SUGCT: variants seen among roughly 807,000 people sequenced by gnomAD.
SUGCT encodes succinyl-CoA:glutarate CoA-transferase.
Under a neutral mutation model 55.0 loss-of-function variants are expected in SUGCT, and 41 were observed. That is an observed-to-expected ratio of 0.74 (90% CI 0.58 to 0.97). SUGCT has a LOEUF of 0.97. Among genes scored for constraint, SUGCT ranks in the 50% least tolerant of loss-of-function variants. The pLI is 0.00. For synonymous variants in SUGCT, 187 were observed against 200.4 expected (o/e 0.93, Z 0.56); for missense variants, 568 against 547.8 (o/e 1.04, Z -0.37).
intron 13 of SUGCT, among the ~76,000 whole-genome samples, chr7:40,820,507 A>G (rs1356990531): frequency 6.6e-6 from 1 of 152,080 alleles, no homozygotes; most frequent in Non-Finnish European, 1.5e-5. Context: ...ATTCCTAGGT[A>G]CTTTATTCTC....
At chr7:40,370,208 C>G (rs1162345854) in intron 9 of SUGCT, among the ~76,000 whole-genome samples, 2 of 152,108 alleles carry the variant, frequency 1.3e-5, no homozygotes, top group African/African-American at 4.8e-5. Context: ...GCGTCCCTTT[C>G]CTCTCAGCTT....
chr7:40,166,306 T>A (rs1038561508), intron 1 of SUGCT, among the ~76,000 whole-genome samples: 1 of 152,186 alleles, frequency 6.6e-6, no homozygotes, highest in African/African-American at 2.4e-5. Context: ...AGCTCTTATA[T>A]AGTAGAGCAG....
At chr7:40,415,669 A>G (rs1228342935) in intron 9 of SUGCT, among the ~76,000 whole-genome samples, 6 of 152,060 alleles carry the variant, frequency 3.9e-5, no homozygotes, top group African/African-American at 1.2e-4. Flanking sequence ...TACTCCACTC[A>G]TATGAAACAT....
chr7:40,812,016 T>C (rs899615127), intron 13 of SUGCT, among the ~76,000 whole-genome samples: 5 of 152,106 alleles, frequency 3.3e-5, no homozygotes, highest in Admixed American at 2.6e-4. Context: ...ATGGAGATCA[T>C]ATGGTTTTTG....
chr7:40,606,904 T>C (rs144586015), intron 12 of SUGCT, among the ~76,000 whole-genome samples: 1 of 152,150 alleles, frequency 6.6e-6, no homozygotes, highest in African/African-American at 2.4e-5. Flanking sequence ...ATGCAGAAAG[T>C]TCTAATTTGT....
intron 12 of SUGCT, among the ~76,000 whole-genome samples, chr7:40,670,232 A>G (rs1801871127): frequency 6.6e-6 from 1 of 150,954 alleles, no homozygotes; most frequent in Admixed American, 6.6e-5. Flanking sequence ...GTAATCTAAG[A>G]TCTTTCTTAC....
intron 13 of SUGCT, among the ~76,000 whole-genome samples, chr7:40,769,821 A>G (rs1054246362): frequency 1.3e-5 from 2 of 152,158 alleles, no homozygotes; most frequent in African/African-American, 2.4e-5. Context: ...TCTAAACTCT[A>G]TCTTAAATTT....
chr7:40,433,690 G>A (rs1342080464), intron 9 of SUGCT, among the ~76,000 whole-genome samples: 1 of 152,146 alleles, frequency 6.6e-6, no homozygotes, highest in African/African-American at 2.4e-5. Context: ...GATGTATAGA[G>A]CTGCTTCTTT....
rs1057202277 is a variant in SUGCT at position 40,589,568 on chromosome 7, C to A, written c.1089+93182C>A. On this transcript the variant is annotated intron_variant, in intron 12 of 13. Transcript: ENST00000335693. The stretch of plus-strand genomic sequence containing the variant: ...CAGAGCCCTCAATATGTAAACACAT[C>A]CCATTAGGCCCCACCTCCCAATGTT... Among the ~76,000 whole-genome samples, 13 of 152,162 alleles carry A rather than the reference C, an allele frequency of 8.5e-5. 1 individual carries two copies. Among genetic ancestry groups the A allele is most frequent in the African/African-American group, 3.1e-4 (13 of 41,442 alleles).
chr7:40,853,501 A>T (rs1793963296), intron 13 of SUGCT, among the ~76,000 whole-genome samples: 1 of 152,106 alleles, frequency 6.6e-6, no homozygotes, highest in Admixed American at 6.5e-5. Flanking sequence ...AGTAGCTGGA[A>T]CTACCAGTGC....
chr7:40,862,016 T>C (rs1794496110), downstream of SUGCT, among the ~76,000 whole-genome samples: 1 of 152,234 alleles, frequency 6.6e-6, no homozygotes, highest in Non-Finnish European at 1.5e-5. Flanking sequence ...AAAGATTAGA[T>C]GGCAGAGAAT....
intron 12 of SUGCT, among the ~76,000 whole-genome samples, chr7:40,686,389 A>T (rs185241999): frequency 4.6e-5 from 7 of 152,216 alleles, no homozygotes; most frequent in Non-Finnish European, 7.3e-5. Flanking sequence ...AATTAAGTTT[A>T]TGTGTATATA....
In SUGCT at chr7:40,381,341, A is replaced by G. The variant is rs564499628; in HGVS notation, c.816+64486A>G. Reference sequence around the variant, plus strand: ...GTATTTTTAGCTCACTTTTACAGGAATATTATAAGACATTGGTATTTTTTA... The same window carrying G: ...GTATTTTTAGCTCACTTTTACAGGAGTATTATAAGACATTGGTATTTTTTA... On this transcript the variant is annotated intron_variant, in intron 9 of 13. Transcript: ENST00000335693. 2.6e-5 allele frequency among the ~76,000 whole-genome samples: 4 copies of G among 152,226 alleles called. No homozygotes were observed. The South Asian group carries it at 6.2e-4, about 24-fold the overall frequency.
At chr7:40,960,086 G>A in the SUGCT span, among the ~76,000 whole-genome samples, 1 of 152,098 alleles carries the variant, frequency 6.6e-6, no homozygotes, top group Non-Finnish European at 1.5e-5. Context: ...CATTGGTCTC[G>A]CTGGGAGCTG....
chr7:40,863,352 T>C (rs1283889371), downstream of SUGCT, among the ~76,000 whole-genome samples: 2 of 152,208 alleles, frequency 1.3e-5, no homozygotes, highest in South Asian at 2.1e-4. Context: ...GCTTGTACCT[T>C]CTCATATCTC....
intron 13 of SUGCT, among the ~76,000 whole-genome samples, chr7:40,767,817 A>G (rs969242771): frequency 6.6e-6 from 1 of 152,222 alleles, no homozygotes; most frequent in African/African-American, 2.4e-5. Flanking sequence ...CAAAAGCAGA[A>G]TTCAATTCCT....
intron 13 of SUGCT, among the ~76,000 whole-genome samples, chr7:40,803,937 T>C (rs1439898673): frequency 6.6e-6 from 1 of 152,196 alleles, no homozygotes; most frequent in Non-Finnish European, 1.5e-5. Context: ...ACGATTTATA[T>C]TACTTTTCTA....
At chr7:40,757,702 C>A (rs1191898808) in intron 13 of SUGCT, among the ~76,000 whole-genome samples, 1 of 152,018 alleles carries the variant, frequency 6.6e-6, no homozygotes, top group African/African-American at 2.4e-5. Flanking sequence ...TTTAAATAAT[C>A]CGAGTGGACC....
the SUGCT span, among the ~76,000 whole-genome samples, chr7:40,898,496 G>GGGGGT: frequency 3.9e-5 from 4 of 101,872 alleles, no homozygotes; most frequent in Admixed American, 9.5e-5. Context: ...GGGGGGGGGG[G>GGGGGT]GTGGATCACG....
Sources: gnomAD v4.1 joint callset for allele counts (sites outside exome capture counted in the v4.1 genomes callset) on GRCh38, gnomAD v4.1.1 for gene constraint, MANE v1.5 for transcripts, NCBI Gene and HGNC (gene_info 2026-07-23, HGNC 2026-07-21) for gene names.